Variants in MYT1L observed in about 807,000 individuals in gnomAD.
MYT1L encodes myelin transcription factor 1 like, also known as myelin transcription factor 1-like protein.
A neutral mutation model predicts 126.7 loss-of-function variants in MYT1L; 12 were observed. The observed-to-expected ratio is 0.09, with a 90% CI of 0.06 to 0.15. The LOEUF (loss-of-function observed/expected upper bound fraction) is 0.15. MYT1L is among the 10% of genes least tolerant of loss of function. The pLI, the probability that MYT1L is intolerant of heterozygous loss-of-function variation, is 1.00. For missense variants in MYT1L, 979 were observed against 1,585.2 expected (o/e 0.62, Z 6.49); for synonymous variants, 541 against 604.2 (o/e 0.90, Z 1.53).
rs116583549 is a variant in MYT1L, at chr2:2,317,313, G to T, written c.-521+13654C>A. 1.9e-3 allele frequency among the ~76,000 whole-genome samples: 283 copies of T among 152,222 alleles called. 2 individuals are homozygous for T. The highest frequency in any genetic ancestry group is 6.6e-3 in the African/African-American group (275 of 41,542). ...GACAAACAAGGGGCCCGTCGGTGTG[G>T]TCCTGCTGATAGCATGACAGCTACT... On this transcript the variant is annotated intron_variant, in intron 1 of 24. Transcript: ENST00000647738.
At chr2:2,226,352 A>C (rs1049040748) in intron 2 of MYT1L, among the ~76,000 whole-genome samples, 2 of 152,214 alleles carry the variant, frequency 1.3e-5, no homozygotes, top group African/African-American at 4.8e-5. Context: ...AAACAGGTTA[A>C]TATAAAATTA....
At chr2:1,977,096 T>C (rs963169106) in intron 8 of MYT1L, among the ~76,000 whole-genome samples, 6 of 152,206 alleles carry the variant, frequency 3.9e-5, no homozygotes, top group Admixed American at 3.9e-4. Flanking sequence ...TTACATACCA[T>C]ATGAGCCATG....
At chr2:2,181,222 G>C (rs1214974436) in intron 2 of MYT1L, among the ~76,000 whole-genome samples, 1 of 150,738 alleles carries the variant, frequency 6.6e-6, no homozygotes, top group Non-Finnish European at 1.5e-5. Context: ...GTTTGTGCCT[G>C]TGTGTGTACC....
At chr2:1,973,770 C>A (rs1309520626) in intron 8 of MYT1L, among the ~76,000 whole-genome samples, 2 of 152,208 alleles carry the variant, frequency 1.3e-5, no homozygotes, top group Non-Finnish European at 2.9e-5. Context: ...CCAGGCCTCA[C>A]CCCGTGATGC....
chr2:2,135,186 C>G (rs913235407), intron 3 of MYT1L, among the ~76,000 whole-genome samples: 13 of 152,114 alleles, frequency 8.5e-5, no homozygotes, highest in Admixed American at 7.9e-4. Context: ...ATAATTCCCA[C>G]GTGTCATGGG....
Position 1,943,484 on chromosome 2 carries a change from T to A in MYT1L, c.153-150A>T. 1 of 945,922 alleles carries A rather than the reference T, an allele frequency of 1.1e-6. No individual in the cohort carries two copies. Among genetic ancestry groups the A allele is most frequent in the Non-Finnish European group, 1.5e-6 (1 of 661,864 alleles). The allele number at this position is 945,922 out of a possible 1,614,324, so 58.6% of individuals were successfully genotyped here. On this transcript the variant is annotated intron_variant, in intron 8 of 24. Transcript: ENST00000647738. This position sits in a 1 kb window ranked among gnomAD's most constrained non-coding sequence, Gnocchi z 4.4. ...GCACAAACACCAGAGAGACATAACA[T>A]ACATGTTCCCCGAAGTGTGCTGAAA...
intron 2 of MYT1L, among the ~76,000 whole-genome samples, chr2:2,236,494 G>A (rs148036326): frequency 9.3e-5 from 4 of 43,172 alleles, no homozygotes; most frequent in African/African-American, 2.9e-4. Context: ...CAGCACATCC[G>A]AACCCAACCC....
intron 2 of MYT1L, among the ~76,000 whole-genome samples, chr2:2,188,907 G>C (rs570701638): frequency 6.6e-6 from 1 of 151,488 alleles, no homozygotes; most frequent in East Asian, 1.9e-4. Context: ...ATTTCCCTAG[G>C]ATAGATGGTT....
At chr2:1,928,574 A>C (rs553140042) in intron 9 of MYT1L, among the ~76,000 whole-genome samples, 3 of 152,342 alleles carry the variant, frequency 2.0e-5, no homozygotes, top group Non-Finnish European at 4.4e-5. Context: ...CTAGTTAGCC[A>C]GACATGCAGC....
chr2:2,182,534 T>C (rs1472822193), intron 2 of MYT1L, among the ~76,000 whole-genome samples: 3 of 152,312 alleles, frequency 2.0e-5, no homozygotes, highest in African/African-American at 7.2e-5. Context: ...ATTTTCAGTC[T>C]GTATTTCACA....
Position 2,097,695 on chromosome 2 carries a change from G to A in MYT1L, c.-303-43572C>T, listed in dbSNP as rs1355374662. ...CAGCGATCGAGAGGAGGGCAAGGATGTGAGGGGAGCATCCTGGCTGCACAG... is the reference window on the plus strand; with the variant it reads ...CAGCGATCGAGAGGAGGGCAAGGATATGAGGGGAGCATCCTGGCTGCACAG... On this transcript the variant is annotated intron_variant, in intron 3 of 24. Transcript: ENST00000647738. Among the ~76,000 whole-genome samples the A allele has an allele frequency of 4.6e-5, 7 of 152,310 alleles. No individual in the cohort carries two copies. The East Asian group carries it at 1.2e-3, about 25-fold the overall frequency.
intron 3 of MYT1L, among the ~76,000 whole-genome samples, chr2:2,107,808 A>G (rs933982284): frequency 3.9e-5 from 6 of 152,160 alleles, no homozygotes; most frequent in African/African-American, 1.4e-4. Flanking sequence ...AAGTTTCAGC[A>G]TGGGAGAATA....
chr2:1,815,937 G>A (rs1017298220), intron 21 of MYT1L, among the ~76,000 whole-genome samples: 20 of 152,098 alleles, frequency 1.3e-4, no homozygotes, highest in African/African-American at 4.6e-4. Flanking sequence ...GGCTCCCTGT[G>A]CATCAGCACG....
chr2:2,039,642 C>T (rs1178416800), intron 4 of MYT1L, among the ~76,000 whole-genome samples: 1 of 152,186 alleles, frequency 6.6e-6, no homozygotes, highest in Non-Finnish European at 1.5e-5. Context: ...CACCCATCAA[C>T]AAAATCAAAG....
At chr2:1,882,387 G>A (rs893697235) in intron 18 of MYT1L, among the ~76,000 whole-genome samples, 9 of 151,994 alleles carry the variant, frequency 5.9e-5, no homozygotes, top group Admixed American at 3.3e-4. Context: ...GTCAGCTGCC[G>A]AATGGTTCAA....
chr2:2,204,681 A>G (rs1231867931), intron 2 of MYT1L, among the ~76,000 whole-genome samples: 1 of 151,532 alleles, frequency 6.6e-6, no homozygotes, highest in Non-Finnish European at 1.5e-5. Context: ...CAACTAGTTC[A>G]ACCACTGTGG....
At chr2:1,955,877 C>A (rs546449758) in intron 8 of MYT1L, among the ~76,000 whole-genome samples, 2 of 152,288 alleles carry the variant, frequency 1.3e-5, no homozygotes, top group African/African-American at 4.8e-5. Context: ...CCAAGGAAAA[C>A]CCATGAGATT....
chr2:2,167,831 C>T (rs1160019609), intron 3 of MYT1L, among the ~76,000 whole-genome samples: 1 of 152,178 alleles, frequency 6.6e-6, no homozygotes, highest in Admixed American at 6.5e-5. Context: ...TATACTCTCA[C>T]CCTTATTAAA....
chr2:2,304,283 T>C (rs1318345151), intron 1 of MYT1L, among the ~76,000 whole-genome samples: 4 of 152,160 alleles, frequency 2.6e-5, no homozygotes, highest in African/African-American at 9.7e-5. Flanking sequence ...ATAAATTCAT[T>C]AGCGAGTAGC....
Sources: gnomAD v4.1 joint callset for allele counts (sites outside exome capture counted in the v4.1 genomes callset) on GRCh38, gnomAD v4.1.1 for gene constraint, Gnocchi (gnomAD v3.1) non-coding constraint, MANE v1.5 for transcripts, NCBI Gene and HGNC (gene_info 2026-07-23, HGNC 2026-07-21) for gene names.